The following C5orf22 variants were observed in gnomAD, a reference collection of about 807,000 sequenced individuals.
C5orf22 encodes the protein UPF0489 protein C5orf22.
In C5orf22, 36 loss-of-function variants were observed where a neutral mutation model predicts 48.7. That is an observed-to-expected ratio of 0.74 (90% confidence interval 0.57 to 0.98). C5orf22 has a LOEUF of 0.98. Ranked by LOEUF, C5orf22 falls within the 50% of genes least tolerant of loss-of-function variation. The pLI is 0.00. For synonymous variants in C5orf22, 141 were observed against 180.8 expected, an observed-to-expected ratio of 0.78 and a Z score of 1.76; for missense variants, 486 against 521.9, an observed-to-expected ratio of 0.93 and a Z score of 0.67.
chr5:31,535,139 T>C, intron 2 of C5orf22: 2 of 382,370 alleles, frequency 5.2e-6, no homozygotes, highest in South Asian at 1.9e-5. Flanking sequence ...ACTTGAAAAG[T>C]AGTAGTTTAT....
intron 4 of C5orf22, among the ~76,000 whole-genome samples, chr5:31,539,567 T>C (rs1360339246): frequency 6.6e-6 from 1 of 152,214 alleles, no homozygotes; most frequent in Non-Finnish European, 1.5e-5. Context: ...ACATAAGGAA[T>C]TCAGTGGCAG....
chr5:31,546,269 T>C (rs974764975), intron 7 of C5orf22, among the ~76,000 whole-genome samples: 7 of 152,242 alleles, frequency 4.6e-5, no homozygotes, highest in African/African-American at 1.7e-4. Context: ...ATTTTCCCAT[T>C]TGACCTGGTA....
Position 31,553,199 on chromosome 5 carries a change from G to T in C5orf22, c.*297G>T. The stretch of plus-strand genomic sequence containing the variant: ...TTTGTTTGTCTTCACTTTTCCCCCA[G>T]GTCTGTTGAGCTGTATGAGATTCAT... On this transcript the variant is annotated 3_prime_UTR_variant, in exon 9 of 9. Transcript: ENST00000325366. 3 of 261,142 alleles carry T rather than the reference G, an allele frequency of 1.1e-5. No individual in the cohort carries two copies. The highest frequency in any genetic ancestry group is 9.1e-5 in the East Asian group (1 of 10,938). 16.2% of individuals were successfully genotyped at this position (261,142 alleles called of 1,614,324 possible).
At chr5:31,537,787 G>A (rs918349819) in intron 3 of C5orf22, among the ~76,000 whole-genome samples, 1 of 152,200 alleles carries the variant, frequency 6.6e-6, no homozygotes, top group Non-Finnish European at 1.5e-5. Flanking sequence ...TTAAACAAGA[G>A]AGTTTATTCT....
At chr5:31,545,855 GA>G in intron 7 of C5orf22, 143 bp downstream of exon 7, 3 of 562,442 alleles carry the variant, frequency 5.3e-6, no homozygotes, top group East Asian at 3.1e-5. Flanking sequence ...AGAAATGAGT[GA>G]AAAAAATACA....
intron 3 of C5orf22, among the ~76,000 whole-genome samples, chr5:31,537,511 G>A (rs1186120645): frequency 1.3e-5 from 2 of 152,196 alleles, no homozygotes; most frequent in African/African-American, 4.8e-5. Flanking sequence ...TATGCTGGGA[G>A]AGGTCAAGTG....
Position 31,532,423 on chromosome 5 carries a change from C to G in C5orf22, c.31C>G (p.Leu11Val), listed in dbSNP as rs546645613. Reference protein sequence around the residue: MSDSAGGRAGLRRYPKLPVWV... With the variant: MSDSAGGRAGVRRYPKLPVWV... Reference sequence around the variant, plus strand: ...TGACTCCGCGGGAGGGCGCGCTGGTCTCCGGCGTTACCCCAAGCTCCCAGT... The same window carrying G: ...TGACTCCGCGGGAGGGCGCGCTGGTGTCCGGCGTTACCCCAAGCTCCCAGT... The change falls in exon 1 of 9, where the codon CTC (leucine) becomes GTC (valine). Residue 11 changes from leucine (L) to valine (V), a missense_variant. Around this residue, in one of 3 missense-constraint regions of C5orf22, gnomAD observed 74 missense variants for 61.2 expected, o/e 1.21. Transcript: ENST00000325366. 6.2e-7 allele frequency: 1 copy of G among 1,613,984 alleles called. No individual in the cohort carries two copies. The highest frequency in any genetic ancestry group is 2.2e-5 in the East Asian group (1 of 44,842).
chr5:31,534,309 A>G lies in C5orf22; in HGVS notation c.119A>G (p.His40Arg). Residue 40 changes from histidine to arginine, a missense_variant, in exon 2 of 9, where the codon CAT (histidine) becomes CGT (arginine). This residue lies in a region of C5orf22 where 74 missense variants were observed against 61.2 expected (regional missense o/e 1.21). Transcript: ENST00000325366. ...ATATACCGGGCCATAGGCTCAAAGC[A>G]TCTTCCTGCCAGTAATGTAAGTTTT... ...PFIYRAIGSK[H>R]LPASNVSFLH... The G allele has an allele frequency of 1.2e-6, 2 of 1,613,966 alleles. No homozygotes were observed. Among genetic ancestry groups the G allele is most frequent in the South Asian group, 1.1e-5 (1 of 91,078 alleles).
intron 7 of C5orf22, among the ~76,000 whole-genome samples, chr5:31,550,594 T>C (rs1743190867): frequency 6.6e-6 from 1 of 152,172 alleles, no homozygotes; most frequent in Non-Finnish European, 1.5e-5. Flanking sequence ...AGACGGAGTT[T>C]CGCTCTTGTT....
Position 31,540,954 on chromosome 5 carries a change from G to A in C5orf22, c.813G>A (p.Glu271=), listed in dbSNP as rs200039188. 258 of 1,608,806 alleles carry A rather than the reference G, an allele frequency of 1.6e-4. 1 individual carries two copies. The East Asian group carries it at 5.7e-3, about 36-fold the overall frequency. The change falls in exon 5 of 9, where the codon GAG becomes GAA. Residue 271 remains glutamate (E), a synonymous_variant. Transcript: ENST00000325366. ...TTTTTTGTTTTGTTTTCCAGGAAGAGTACAAAATCTTACAAGAGCTGTACC... is the reference window on the plus strand; with the variant it reads ...TTTTTTGTTTTGTTTTCCAGGAAGAATACAAAATCTTACAAGAGCTGTACC... ...NPFKEMFTQE[E]YKILQELYQF... is the part of the protein sequence containing the mutation.
chr5:31,532,464 T>A lies in C5orf22; in HGVS notation c.72T>A (p.Asp24Glu). The A allele has an allele frequency of 6.2e-7, 1 of 1,613,422 alleles. No individual in the cohort carries two copies. Among genetic ancestry groups the A allele is most frequent in the Non-Finnish European group, 8.5e-7 (1 of 1,179,722 alleles). The change falls in exon 1 of 9, where the codon GAT becomes GAA. Residue 24 changes from aspartate (D) to glutamate (E), a missense_variant. Asp to Glu is a conservative substitution (Grantham distance 45). This residue lies in a region of C5orf22 where 74 missense variants were observed against 61.2 expected (regional missense o/e 1.21). Coordinates refer to ENST00000325366, the MANE Select transcript of C5orf22 (RefSeq NM_018356.3). The part of the protein sequence containing the change: ...YPKLPVWVVE[D>E]HQEVLPFIYR... ...AGCTCCCAGTGTGGGTGGTGGAGGA[T>A]CATCAGGAGGTGAGCGGACGGCAAC...
intron 7 of C5orf22, among the ~76,000 whole-genome samples, chr5:31,549,082 G>A (rs1743081660): frequency 6.6e-6 from 1 of 152,098 alleles, no homozygotes; most frequent in Admixed American, 6.6e-5. Flanking sequence ...AGCCGGGCGT[G>A]GTGGCGCATC....
Position 31,533,718 on chromosome 5 carries a change from G to A in C5orf22, c.82-554G>A, listed in dbSNP as rs147040334. Among the ~76,000 whole-genome samples, 3 of 152,172 alleles carry A rather than the reference G, an allele frequency of 2.0e-5. No individual in the cohort carries two copies. In the East Asian group the frequency reaches 5.8e-4, roughly 29 times the overall value. ...CCCTAACCAGCCTGGACAGCAGAGC[G>A]AAATCCCATCTCTACAAAAATAGAA... On this transcript the variant is annotated intron_variant, in intron 1 of 8. Transcript: ENST00000325366.
At chr5:31,537,331 T>C (rs1291587979) in intron 3 of C5orf22, among the ~76,000 whole-genome samples, 1 of 152,266 alleles carries the variant, frequency 6.6e-6, no homozygotes, top group Non-Finnish European at 1.5e-5. Flanking sequence ...AATACTTGCA[T>C]GTTTGTATGA....
chr5:31,545,183 C>T (rs748530249), intron 6 of C5orf22, among the ~76,000 whole-genome samples: 6 of 151,890 alleles, frequency 4.0e-5, no homozygotes, highest in Non-Finnish European at 7.4e-5. Flanking sequence ...CTCAGCCTCC[C>T]GAATAGCTGG....
intron 8 of C5orf22, among the ~76,000 whole-genome samples, chr5:31,552,478 A>G (rs1743343468): frequency 1.3e-5 from 2 of 152,174 alleles, no homozygotes; most frequent in Admixed American, 1.3e-4. Flanking sequence ...TGGTCTAGCA[A>G]TCAAGCATTA....
rs908728546 is a variant in C5orf22 at position 31,553,974 on chromosome 5, A to G, written c.*1072A>G. 2.6e-5 allele frequency: 4 copies of G among 152,144 alleles called. No individual in the cohort carries two copies. The highest frequency in any genetic ancestry group is 9.7e-5 in the African/African-American group (4 of 41,426). 9.4% of individuals were successfully genotyped at this position (152,144 alleles called of 1,614,324 possible). ...TGTAAAGAGTAAGGGAAAAAGTTAA[A>G]TCTTTAATTCTGACCTGCCATAAAT... On this transcript the variant is annotated 3_prime_UTR_variant, in exon 9 of 9. Coordinates refer to ENST00000325366, the MANE Select transcript of C5orf22 (RefSeq NM_018356.3).
In C5orf22 at chr5:31,554,938, T is replaced by A. The variant is rs1387544915; in HGVS notation, c.*2036T>A. The A allele has an allele frequency of 6.6e-6, 1 of 152,226 alleles. No homozygotes were observed. The highest frequency in any genetic ancestry group is 2.4e-5 in the African/African-American group (1 of 41,454). 9.4% of individuals were successfully genotyped at this position (152,226 alleles called of 1,614,324 possible). A position where few individuals can be genotyped will look rare whatever the true frequency, so the allele number is the denominator to read the frequency against. On this transcript the variant is annotated 3_prime_UTR_variant, in exon 9 of 9. Coordinates refer to ENST00000325366, the MANE Select transcript of C5orf22 (RefSeq NM_018356.3). Reference sequence around the variant, plus strand: ...ATTCCAAATAGGAAGGTATTTACTTTATCAAGATGTGTTTCATTTGTGTTC... The same window carrying A: ...ATTCCAAATAGGAAGGTATTTACTTAATCAAGATGTGTTTCATTTGTGTTC...
At chr5:31,538,769 A>G in intron 4 of C5orf22, 80 bp downstream of exon 4, 1 of 1,021,540 alleles carries the variant, frequency 9.8e-7, no homozygotes, top group South Asian at 1.6e-5. Flanking sequence ...AAACTCTTTA[A>G]ACAGCCAGCT....
Sources: gnomAD v4.1 joint callset for allele counts (sites outside exome capture counted in the v4.1 genomes callset) on GRCh38, gnomAD v4.1.1 for gene constraint, gnomAD v4.1.1 regional missense constraint, MANE v1.5 for transcripts, NCBI Gene and HGNC (gene_info 2026-07-23, HGNC 2026-07-21) for gene names.